The following ART3 variants were observed in gnomAD, a reference collection of about 807,000 sequenced individuals.
ART3 encodes the protein ecto-ADP-ribosyltransferase 3.
Under a neutral mutation model 48.5 loss-of-function variants are expected in ART3, and 49 were observed. The ratio of observed to expected loss-of-function variants is 1.01; its 90% CI spans 0.80 to 1.28. The LOEUF is 1.28. ART3 is among the 50% of genes most tolerant of loss of function. The pLI is 0.00. For synonymous variants in ART3, 145 were observed against 157.2 expected (o/e 0.92, Z 0.58); for missense variants, 438 against 454.3 (o/e 0.96, Z 0.33).
At chr4:76,023,107 T>C (rs1733028702) in intron 1 of ART3, among the ~76,000 whole-genome samples, 1 of 152,280 alleles carries the variant, frequency 6.6e-6, no homozygotes, top group South Asian at 2.1e-4. Flanking sequence ...TCTGTCCGCA[T>C]TCCCTCACAT....
chr4:76,087,589 C>T (rs1723893422), intron 3 of ART3, among the ~76,000 whole-genome samples: 1 of 152,162 alleles, frequency 6.6e-6, no homozygotes, highest in South Asian at 2.1e-4. Context: ...TACTGCGTTA[C>T]GTTTAGTGTG....
Position 76,041,952 on chromosome 4 carries a change from A to C in ART3, c.-10+30632A>C, listed in dbSNP as rs367998659. On this transcript the variant is annotated intron_variant, in intron 1 of 9. Transcript: ENST00000341029. ...ATTAAATGCAAAAAAGATCAGATAC[A>C]TTCTCTGTGTTCTTAGCAGTGTTGG... Among the ~76,000 whole-genome samples the C allele has an allele frequency of 1.5e-4, 23 of 152,342 alleles. No homozygotes were observed. The East Asian group carries it at 2.3e-3, about 15-fold the overall frequency.
intron 1 of ART3, among the ~76,000 whole-genome samples, chr4:76,045,891 G>A (rs1406603427): frequency 3.3e-5 from 5 of 152,060 alleles, no homozygotes; most frequent in Non-Finnish European, 7.4e-5. Context: ...AGTATAGGCT[G>A]TATTCATTCC....
In ART3 at chr4:76,082,401, A is replaced by G. The variant is rs772724783; in HGVS notation, c.647A>G (p.Asp216Gly). 6.2e-7 allele frequency: 1 copy of G among 1,614,150 alleles called. No individual in the cohort carries two copies. Among genetic ancestry groups the G allele is most frequent in the Admixed American group, 1.7e-5 (1 of 60,030 alleles). Residue 216 changes from aspartate to glycine, a missense_variant, in exon 3 of 12, where the codon GAT becomes GGT. Transcript: ENST00000355810. ...GGAGTTGACATTGAAAATTTTCTTG[A>G]TAAAGAAAGTGAAAGAATTACTTTA... Reference protein sequence around the residue: ...CLGVDIENFLDKESERITLIP... With the variant: ...CLGVDIENFLGKESERITLIP...
At chr4:76,107,429 T>C (rs984491978) in intron 10 of ART3, 3 of 169,332 alleles carry the variant, frequency 1.8e-5, no homozygotes, top group African/African-American at 7.1e-5. Flanking sequence ...ACATAAAGCA[T>C]TTGCACAATG....
At chr4:76,083,978 G>A (rs1040122003) in intron 3 of ART3, among the ~76,000 whole-genome samples, 1 of 152,160 alleles carries the variant, frequency 6.6e-6, no homozygotes, top group Admixed American at 6.5e-5. Context: ...GTAAAGACAG[G>A]TCATAGCTCA....
chr4:76,084,628 G>C (rs1723168057), intron 3 of ART3, among the ~76,000 whole-genome samples: 1 of 152,144 alleles, frequency 6.6e-6, no homozygotes, highest in Non-Finnish European at 1.5e-5. Context: ...TAGTGTGTGT[G>C]AGCAAAGGGT....
chr4:76,018,664 T>A, intron 1 of ART3, among the ~76,000 whole-genome samples: 1 of 152,196 alleles, frequency 6.6e-6, no homozygotes. Context: ...CCCTGTGCTA[T>A]GAATGGAATA....
At chr4:76,079,014 G>T (rs1257870568) in intron 2 of ART3, among the ~76,000 whole-genome samples, 1 of 152,144 alleles carries the variant, frequency 6.6e-6, no homozygotes, top group Non-Finnish European at 1.5e-5. Flanking sequence ...CCGGCAGGCG[G>T]AGCTTGCAGT....
chr4:76,107,699 T>A (rs1728739127), intron 10 of ART3, 62 bp from the exon 11 acceptor site: 2 of 1,181,376 alleles, frequency 1.7e-6, no homozygotes, highest in South Asian at 2.8e-5. Flanking sequence ...TTTAATCAGA[T>A]CTTTCTTTTC....
At chr4:76,017,275 TTCAG>T (rs1056183114) in intron 1 of ART3, among the ~76,000 whole-genome samples, 1 of 151,958 alleles carries the variant, frequency 6.6e-6, no homozygotes, top group Admixed American at 6.6e-5. Flanking sequence ...CCAAGGGCTC[TTCAG>T]TCAGCAGGTG....
chr4:76,100,968 T>C (rs1727175627), intron 7 of ART3, 22 bp from the exon 8 acceptor site: 1 of 1,612,606 alleles, frequency 6.2e-7, no homozygotes, highest in South Asian at 1.1e-5. Flanking sequence ...TTAAAACTGA[T>C]AAGCTTCTTT....
intron 3 of ART3, among the ~76,000 whole-genome samples, chr4:76,089,113 A>G (rs1724256169): frequency 6.6e-6 from 1 of 152,240 alleles, no homozygotes; most frequent in East Asian, 1.9e-4. Context: ...ATTCTTAACA[A>G]TAATTACTTG....
intron 10 of ART3, chr4:76,105,603 T>TTA: frequency 7.8e-7 from 1 of 1,279,868 alleles, no homozygotes; most frequent in Admixed American, 2.4e-5. Flanking sequence ...TCTAAGTCCT[T>TTA]TACCATAATC....
intron 1 of ART3, among the ~76,000 whole-genome samples, chr4:76,033,285 G>GACACT (rs1203668724): frequency 2.0e-5 from 3 of 152,204 alleles, no homozygotes; most frequent in Admixed American, 6.5e-5. Context: ...ACATTGGGAA[G>GACACT]ACACTACTGT....
At chr4:76,084,915 C>A (rs965635269) in intron 3 of ART3, among the ~76,000 whole-genome samples, 2 of 152,170 alleles carry the variant, frequency 1.3e-5, no homozygotes, top group Non-Finnish European at 2.9e-5. Context: ...GCAGTACTCT[C>A]GTACCAATCC....
intron 1 of ART3, among the ~76,000 whole-genome samples, chr4:76,051,364 C>T (rs776777545): frequency 1.2e-4 from 19 of 152,164 alleles, no homozygotes; most frequent in Non-Finnish European, 1.5e-4. Flanking sequence ...TTAAAATACC[C>T]GTCCCAGAAA....
chr4:76,073,292 G>T (rs1047099665), upstream of ART3, among the ~76,000 whole-genome samples: 1 of 152,194 alleles, frequency 6.6e-6, no homozygotes, highest in Non-Finnish European at 1.5e-5. Context: ...CTCATTTCCT[G>T]TAGGCCTACA....
At chr4:76,063,590 G>T (rs925498874) in intron 1 of ART3, among the ~76,000 whole-genome samples, 2 of 152,108 alleles carry the variant, frequency 1.3e-5, no homozygotes, top group Non-Finnish European at 2.9e-5. Flanking sequence ...TTACAATAAG[G>T]TCTCTCCGGT....
Sources: allele counts gnomAD v4.1 joint callset (sites outside exome capture counted in the v4.1 genomes callset), GRCh38; gene constraint gnomAD v4.1.1; transcripts MANE v1.5; gene names NCBI Gene and HGNC (gene_info 2026-07-23, HGNC 2026-07-21).